RSPH14: variants seen among roughly 807,000 people sequenced by gnomAD.
RSPH14 encodes the protein rhabdoid tumor deletion region gene 1.
In RSPH14, 20 loss-of-function variants were observed where a neutral mutation model predicts 26.7. That is an observed-to-expected ratio of 0.75 (90% CI 0.53 to 1.09). RSPH14 has a LOEUF of 1.09. Ranked by LOEUF, RSPH14 falls within the 50% of genes least tolerant of loss-of-function variation. The pLI, the probability that RSPH14 is intolerant of heterozygous loss-of-function variation, is 0.00. For missense variants in RSPH14, 449 were observed against 457.2 expected (o/e 0.98, Z 0.16); for synonymous variants, 177 against 189.3 (o/e 0.93, Z 0.53).
chr22:23,072,451 G>A (rs2068403975), intron 4 of RSPH14, among the ~76,000 whole-genome samples: 2 of 152,212 alleles, frequency 1.3e-5, no homozygotes, highest in South Asian at 4.1e-4. Flanking sequence ...GACAGGAGGT[G>A]AATAAGACAT....
the RSPH14 span, among the ~76,000 whole-genome samples, chr22:23,171,259 C>T: frequency 2.6e-5 from 4 of 152,306 alleles, no homozygotes; most frequent in African/African-American, 9.6e-5. Context: ...AGCCACTGAG[C>T]CTGGCCTACA....
chr22:23,138,798 C>T lies in RSPH14; in HGVS notation c.302+42G>A, dbSNP rs537427906. The T allele has an allele frequency of 1.6e-5, 24 of 1,493,192 alleles. 2 individuals are homozygous for T. The highest frequency in any genetic ancestry group is 1.4e-4 in the African/African-American group (10 of 71,974). 92.5% of individuals were successfully genotyped at this position (1,493,192 alleles called of 1,614,324 possible). ...AGTGCATCCACCCAGGGGAGAAGTG[C>T]GGCTCGCAAGCGTCACACTGGTTTC... On this transcript the variant is annotated intron_variant, in intron 3 of 6. Transcript: ENST00000216036.
At chr22:23,116,133 G>A (rs1454739962) in intron 4 of RSPH14, among the ~76,000 whole-genome samples, 2 of 152,286 alleles carry the variant, frequency 1.3e-5, no homozygotes, top group East Asian at 3.8e-4. Flanking sequence ...GCCTGGGTAA[G>A]CCTTGCTTCG....
At chr22:23,067,089 G>C (rs571126872) in intron 4 of RSPH14, among the ~76,000 whole-genome samples, 3 of 152,298 alleles carry the variant, frequency 2.0e-5, no homozygotes, top group East Asian at 3.9e-4. Flanking sequence ...GGGAGTCCCC[G>C]ATCTGGCCTG....
At chr22:23,095,929 C>A (rs41296233) in intron 4 of RSPH14, 11 of 1,613,144 alleles carry the variant, frequency 6.8e-6, no homozygotes, top group Non-Finnish European at 9.3e-6. Context: ...ACAATGCCAT[C>A]GACTCGCTGA....
chr22:23,063,351 C>A (rs1244473206), intron 5 of RSPH14, among the ~76,000 whole-genome samples: 1 of 152,158 alleles, frequency 6.6e-6, no homozygotes, highest in African/African-American at 2.4e-5. Context: ...GTTCGGTGAC[C>A]AGCCTGTCCT....
intron 4 of RSPH14, 34 bp downstream of exon 4, chr22:23,133,992 G>A (rs1232366337): frequency 2.0e-6 from 3 of 1,510,564 alleles, no homozygotes; most frequent in Non-Finnish European, 2.8e-6. Context: ...CAACTTGAGT[G>A]CCCGACAGAT....
Position 23,140,404 on chromosome 22 carries a change from TTC to T in RSPH14, c.15_16del (p.Asn6LeufsTer7). On this transcript the variant is annotated frameshift_variant, in exon 2 of 7. Coordinates refer to ENST00000216036, the MANE Select transcript of RSPH14 (RefSeq NM_014433.3). LOFTEE classifies it high-confidence loss of function. ...GATGTTAATGGGAAGCTCCAAGGAGTTCTGGGAATGGGCCATCTTTCCCCAAC... is the reference window on the plus strand; with the variant it reads ...GATGTTAATGGGAAGCTCCAAGGAGTTGGGAATGGGCCATCTTTCCCCAAC... The T allele has an allele frequency of 6.2e-7, 1 of 1,613,902 alleles. No homozygotes were observed. Among genetic ancestry groups the T allele is most frequent in the Non-Finnish European group, 8.5e-7 (1 of 1,179,958 alleles).
At chr22:23,063,830 G>T in intron 5 of RSPH14, 72 bp downstream of exon 5, 1 of 1,472,498 alleles carries the variant, frequency 6.8e-7, no homozygotes. Flanking sequence ...GGCCGCCCTT[G>T]AGCTCTGGAC....
intron 4 of RSPH14, among the ~76,000 whole-genome samples, chr22:23,117,802 C>T (rs1480815199): frequency 2.6e-5 from 4 of 152,240 alleles, no homozygotes; most frequent in African/African-American, 9.6e-5. Context: ...ACCCCAGACC[C>T]TGTGTTCATG....
At chr22:23,113,890 T>G (rs1181971994) in intron 4 of RSPH14, among the ~76,000 whole-genome samples, 1 of 152,234 alleles carries the variant, frequency 6.6e-6, no homozygotes, top group African/African-American at 2.4e-5. Context: ...AGGCACCCGC[T>G]ACCGATGGAG....
intron 4 of RSPH14, chr22:23,070,415 G>GAGCGTGTGCGCCGCCCGC (rs2068324979): frequency 6.8e-6 from 1 of 146,998 alleles, no homozygotes; most frequent in African/African-American, 2.4e-5. Flanking sequence ...AGGCCGGCCG[G>GAGCGTGTGCGCCGCCCGC]AGCGTGTGCG....
chr22:23,065,522 A>C (rs2068188103), intron 4 of RSPH14, among the ~76,000 whole-genome samples: 1 of 109,990 alleles, frequency 9.1e-6, no homozygotes, highest in Non-Finnish European at 1.7e-5. Flanking sequence ...TTTATTTAAT[A>C]TGCACAGATT....
chr22:23,080,969 C>T (rs1356398936), intron 4 of RSPH14, among the ~76,000 whole-genome samples: 2 of 152,248 alleles, frequency 1.3e-5, no homozygotes, highest in African/African-American at 2.4e-5. Flanking sequence ...TGCCCTTCCA[C>T]ATGTATCCCT....
At chr22:23,156,049 G>A in the RSPH14 span, 66 of 1,606,918 alleles carry the variant, frequency 4.1e-5, no homozygotes, top group African/African-American at 2.5e-4. Context: ...AACATGCCAC[G>A]TCGGGGCTCA....
At chr22:23,128,517 A>AG (rs2070237087) in intron 4 of RSPH14, among the ~76,000 whole-genome samples, 1 of 152,228 alleles carries the variant, frequency 6.6e-6, no homozygotes, top group Admixed American at 6.5e-5. Context: ...AGGAACTTAG[A>AG]GGAATGCGTG....
chr22:23,163,535 A>G, the RSPH14 span: 1 of 150,670 alleles, frequency 6.6e-6, no homozygotes, highest in South Asian at 2.1e-4. Flanking sequence ...GCCTCCATAA[A>G]TGACTTTTAA....
At chr22:23,077,504 G>C (rs1201702101) in intron 4 of RSPH14, among the ~76,000 whole-genome samples, 1 of 152,174 alleles carries the variant, frequency 6.6e-6, no homozygotes, top group African/African-American at 2.4e-5. Flanking sequence ...CCAGCAAGGA[G>C]CCCCTAGAAG....
At chr22:23,174,309 T>TAGG in the RSPH14 span, among the ~76,000 whole-genome samples, 41,665 of 150,406 alleles carry the variant, frequency 0.28, 5,827 homozygotes, top group East Asian at 0.35. Flanking sequence ...GGAGCTGAGT[T>TAGG]AGGAGGATCA....
Sources: gnomAD v4.1 joint callset for allele counts (sites outside exome capture counted in the v4.1 genomes callset) on GRCh38, gnomAD v4.1.1 for gene constraint, MANE v1.5 for transcripts, NCBI Gene and HGNC (gene_info 2026-07-23, HGNC 2026-07-21) for gene names.